The following VAV3 variants were observed in gnomAD, a reference collection of about 807,000 sequenced individuals.
The protein encoded by VAV3 is vav guanine nucleotide exchange factor 3.
VAV3 carries 94 observed loss-of-function variants against 131.2 expected under a neutral mutation model. The observed-to-expected ratio is 0.72, with a 90% CI of 0.61 to 0.85. The LOEUF (loss-of-function observed/expected upper bound fraction) is 0.85. Ranked by LOEUF, VAV3 falls within the 40% of genes least tolerant of loss-of-function variation. The probability of loss-of-function intolerance (pLI) is 0.00; values close to 1 mark genes in which losing one functional copy is unlikely to be tolerated. For missense variants in VAV3, 939 were observed against 1,002.7 expected (o/e 0.94, Z 0.86); for synonymous variants, 349 against 342.0 (o/e 1.02, Z -0.22).
At chr1:107,640,213 C>A (rs923037238) in intron 20 of VAV3, among the ~76,000 whole-genome samples, 5 of 152,080 alleles carry the variant, frequency 3.3e-5, no homozygotes, top group Admixed American at 3.3e-4. Flanking sequence ...CTAGTGGCAA[C>A]CTGAAAGTCC....
chr1:107,821,713 C>T (rs750732735), intron 2 of VAV3, among the ~76,000 whole-genome samples: 11 of 152,256 alleles, frequency 7.2e-5, no homozygotes, highest in African/African-American at 2.6e-4. Context: ...GTGAGATGAA[C>T]TGTTAGAGGA....
chr1:107,675,598 A>G (rs959006015), intron 19 of VAV3, among the ~76,000 whole-genome samples: 1 of 152,164 alleles, frequency 6.6e-6, no homozygotes, highest in African/African-American at 2.4e-5. Flanking sequence ...TGAAGCAGGT[A>G]GTGGCTTAAA....
chr1:107,762,527 A>T (rs776386380), intron 9 of VAV3, among the ~76,000 whole-genome samples: 2 of 152,142 alleles, frequency 1.3e-5, no homozygotes, highest in South Asian at 2.1e-4. Flanking sequence ...ATGGGTCTCA[A>T]ACAGAAAGTT....
In VAV3 at chr1:107,891,838, C is replaced by CAAAAAAAAAAA. The variant is rs35693360; in HGVS notation, c.205-16832_205-16822dup. 2.5e-4 allele frequency among the ~76,000 whole-genome samples: 7 copies of CAAAAAAAAAAA among 27,926 alleles called. 1 individual carries two copies. The highest frequency in any genetic ancestry group is 8.2e-4 in the Admixed American group (2 of 2,428). 18.3% of individuals were successfully genotyped at this position (27,926 alleles called of 152,430 possible). A position where few individuals can be genotyped will look rare whatever the true frequency, so the allele number is the denominator to read the frequency against. ...TGGGGGACACAGCAAGACTCCGTCT[C>CAAAAAAAAAAA]AAAAAAAAAAAAAAAAAAAAAAAAA... On this transcript the variant is annotated intron_variant, in intron 1 of 26. Transcript: ENST00000370056.
intron 1 of VAV3, among the ~76,000 whole-genome samples, chr1:107,888,400 C>T (rs1202924670): frequency 1.3e-5 from 2 of 152,204 alleles, no homozygotes; most frequent in African/African-American, 2.4e-5. Flanking sequence ...CAAAGGAGAA[C>T]ACCACTTTCT....
chr1:107,850,438 G>A (rs565227013), intron 2 of VAV3, among the ~76,000 whole-genome samples: 1 of 152,200 alleles, frequency 6.6e-6, no homozygotes, highest in South Asian at 2.1e-4. Flanking sequence ...GGTTGAAGCT[G>A]GAAACCATCA....
chr1:107,854,732 T>C (rs1036587163), intron 2 of VAV3, among the ~76,000 whole-genome samples: 4 of 152,194 alleles, frequency 2.6e-5, no homozygotes, highest in African/African-American at 9.6e-5. Flanking sequence ...TTCCCTGCCA[T>C]AGTGAATCAC....
At chr1:107,687,975 C>T (rs761077256) in intron 18 of VAV3, among the ~76,000 whole-genome samples, 1 of 152,074 alleles carries the variant, frequency 6.6e-6, no homozygotes, top group Non-Finnish European at 1.5e-5. Context: ...AACATGGAAC[C>T]ATAATCTTAG....
chr1:107,659,521 C>T (rs544444331), intron 19 of VAV3, among the ~76,000 whole-genome samples: 4 of 152,144 alleles, frequency 2.6e-5, no homozygotes, highest in Non-Finnish European at 5.9e-5. Context: ...TGCAGAAGCA[C>T]TGACAAAGTG....
intron 12 of VAV3, among the ~76,000 whole-genome samples, chr1:107,754,814 C>T (rs1020610371): frequency 2.5e-4 from 38 of 152,234 alleles, no homozygotes; most frequent in South Asian, 1.0e-3. Flanking sequence ...CTGCCTGGGT[C>T]ACTTTCCCCT....
intron 13 of VAV3, among the ~76,000 whole-genome samples, chr1:107,750,343 G>A (rs1386612894): frequency 1.3e-5 from 2 of 152,170 alleles, no homozygotes; most frequent in South Asian, 2.1e-4. Context: ...TAAGAACAAC[G>A]TAACTTGGGG....
At chr1:107,942,340 G>A (rs1211462359) in intron 1 of VAV3, among the ~76,000 whole-genome samples, 3 of 152,148 alleles carry the variant, frequency 2.0e-5, no homozygotes, top group East Asian at 1.9e-4. Flanking sequence ...ACCTCTACTA[G>A]CAGAAATCTT....
intron 2 of VAV3, among the ~76,000 whole-genome samples, chr1:107,855,441 T>C (rs972844048): frequency 1.4e-4 from 22 of 152,040 alleles, no homozygotes; most frequent in Admixed American, 1.2e-3. Context: ...CATGCACAGA[T>C]AATTTTTGTA....
intron 19 of VAV3, among the ~76,000 whole-genome samples, chr1:107,652,624 C>T (rs1656258449): frequency 6.6e-6 from 1 of 151,958 alleles, no homozygotes; most frequent in Non-Finnish European, 1.5e-5. Context: ...CTCTTGTTTT[C>T]ATATATATAT....
Position 107,917,224 on chromosome 1 carries a change from G to A in VAV3, c.205-42207C>T, listed in dbSNP as rs192502939. Among the ~76,000 whole-genome samples the A allele has an allele frequency of 3.5e-3, 535 of 152,060 alleles. 4 individuals are homozygous for A. The highest frequency in any genetic ancestry group is 0.012 in the African/African-American group (517 of 41,452). ...GAACCTGTACTCAAGCATCAGCAGC[G>A]GCCTCACCAAAGTAGTGAGGCAGCT... is the stretch of plus-strand genomic sequence containing the variant. On this transcript the variant is annotated intron_variant, in intron 1 of 26. Transcript: ENST00000370056.
chr1:107,952,222 T>C (rs899158869), intron 1 of VAV3, among the ~76,000 whole-genome samples: 2 of 151,862 alleles, frequency 1.3e-5, no homozygotes, highest in African/African-American at 2.4e-5. Flanking sequence ...GAAAACCAAA[T>C]GCCACATGTT....
chr1:107,751,315 A>G (rs1663709157), intron 12 of VAV3, 113 bp from the exon 13 acceptor site: 1 of 847,974 alleles, frequency 1.2e-6, no homozygotes, highest in Non-Finnish European at 1.8e-6. Flanking sequence ...AAATGTTACC[A>G]TTTTTTATAC....
intron 15 of VAV3, among the ~76,000 whole-genome samples, chr1:107,707,201 A>T (rs1235558698): frequency 1.3e-5 from 2 of 152,226 alleles, no homozygotes; most frequent in African/African-American, 4.8e-5. Context: ...ATGGTAAATT[A>T]TTTTTAAAAT....
rs80321534 is a variant in VAV3, at chr1:107,876,197, C to T, written c.205-1180G>A. Reference sequence around the variant, plus strand: ...GAAAAACTATATCAGATGCTGCAGACGGCCAAATAGGATTTAGACCAACGG... The same window carrying T: ...GAAAAACTATATCAGATGCTGCAGATGGCCAAATAGGATTTAGACCAACGG... On this transcript the variant is annotated intron_variant, in intron 1 of 26. Coordinates refer to ENST00000370056, the MANE Select transcript of VAV3 (RefSeq NM_006113.5). Among the ~76,000 whole-genome samples, 268 of 152,196 alleles carry T rather than the reference C, an allele frequency of 1.8e-3. 1 individual carries two copies. The highest frequency in any genetic ancestry group is 5.9e-3 in the African/African-American group (246 of 41,542).
Sources: allele counts gnomAD v4.1 joint callset (sites outside exome capture counted in the v4.1 genomes callset), GRCh38; gene constraint gnomAD v4.1.1; transcripts MANE v1.5; gene names NCBI Gene and HGNC (gene_info 2026-07-23, HGNC 2026-07-21).